The following SV2B variants were observed in gnomAD, a reference collection of about 807,000 sequenced individuals.
SV2B encodes the protein synaptic vesicle glycoprotein 2B.
SV2B carries 41 observed loss-of-function variants against 73.9 expected under a neutral mutation model. The observed-to-expected ratio is 0.56, with a 90% CI of 0.43 to 0.72. SV2B has a LOEUF of 0.72. Ranked by LOEUF, SV2B falls within the 30% of genes least tolerant of loss-of-function variation. SV2B has a pLI of 0.00. For synonymous variants in SV2B, 314 were observed against 314.2 expected (o/e 1.00, Z 0.01); for missense variants, 764 against 857.8 (o/e 0.89, Z 1.37).
chr15:91,236,622 A>G lies in SV2B; in HGVS notation c.451+9908A>G, dbSNP rs989744433. 6.6e-6 allele frequency among the ~76,000 whole-genome samples: 1 copy of G among 152,200 alleles called. No homozygotes were observed. Among genetic ancestry groups the G allele is most frequent in the Non-Finnish European group, 1.5e-5 (1 of 68,034 alleles). On this transcript the variant is annotated intron_variant, in intron 2 of 12. Coordinates refer to ENST00000394232, the MANE Select transcript of SV2B (RefSeq NM_001323032.3). The surrounding 1 kb of genome is among the most constrained non-coding windows in gnomAD (Gnocchi z 4.1). ...AGAGATGGATCTTTTATAGAATCAT[A>G]AAGGACTTTATTCTGGTTATCTATT...
In SV2B at chr15:91,253,692, C is replaced by G. The variant is rs1369780734; in HGVS notation, c.784+1172C>G. ...TTCAACCTACAGCTTACAAGGTCTC[C>G]GGTTTGGGGAAAGAGAATGGGCAGT... On this transcript the variant is annotated intron_variant, in intron 4 of 12. Coordinates refer to ENST00000394232, the MANE Select transcript of SV2B (RefSeq NM_001323032.3). This position sits in a 1 kb window ranked among gnomAD's most constrained non-coding sequence, Gnocchi z 5.0. 2.6e-5 allele frequency among the ~76,000 whole-genome samples: 4 copies of G among 152,196 alleles called. No individual in the cohort carries two copies. Among genetic ancestry groups the G allele is most frequent in the Admixed American group, 6.5e-5 (1 of 15,284 alleles).
At chr15:91,113,941 T>G (rs1000957792) in intron 1 of SV2B, among the ~76,000 whole-genome samples, 2 of 152,132 alleles carry the variant, frequency 1.3e-5, no homozygotes, top group African/African-American at 4.8e-5. Flanking sequence ...GGACTATAGA[T>G]TCCCTGAGAG....
intron 1 of SV2B, among the ~76,000 whole-genome samples, chr15:91,183,072 T>C (rs1429775329): frequency 6.6e-6 from 1 of 152,212 alleles, no homozygotes; most frequent in Non-Finnish European, 1.5e-5. Flanking sequence ...ATTAAAAATA[T>C]GTAGTCCTAT....
chr15:91,275,943 C>T (rs2048471098), intron 9 of SV2B, among the ~76,000 whole-genome samples: 1 of 152,138 alleles, frequency 6.6e-6, no homozygotes, highest in Non-Finnish European at 1.5e-5. Flanking sequence ...CTTCCCGTTA[C>T]TATTTCTTGT....
intron 1 of SV2B, among the ~76,000 whole-genome samples, chr15:91,164,014 A>G (rs950002942): frequency 6.6e-6 from 1 of 152,170 alleles, no homozygotes; most frequent in African/African-American, 2.4e-5. Context: ...CATTTATTAA[A>G]TAGGGAATCC....
Position 91,251,803 on chromosome 15 carries a change from C to T in SV2B, c.452-16C>T. The T allele has an allele frequency of 6.2e-7, 1 of 1,612,958 alleles. No homozygotes were observed. Among genetic ancestry groups the T allele is most frequent in the Non-Finnish European group, 8.5e-7 (1 of 1,179,200 alleles). On this transcript the variant is annotated splice_polypyrimidine_tract_variant and intron_variant, in intron 2 of 12. Coordinates refer to ENST00000394232, the MANE Select transcript of SV2B (RefSeq NM_001323032.3). ...TCTTTTCTCTCTATTCTCTCCTCTC[C>T]TCCCCCTCATTGCAGGGATGATAGT...
Position 91,240,256 on chromosome 15 carries a change from C to A in SV2B, c.452-11563C>A, listed in dbSNP as rs2046956249. ...AACTTAACCTCCCTAACCTTGGTTTCTTAATGTGTGATATTAAAATACTAT... is the reference window on the plus strand; with the variant it reads ...AACTTAACCTCCCTAACCTTGGTTTATTAATGTGTGATATTAAAATACTAT... On this transcript the variant is annotated intron_variant, in intron 2 of 12. Transcript: ENST00000394232. This position sits in a 1 kb window ranked among gnomAD's most constrained non-coding sequence, Gnocchi z 4.6. Among the ~76,000 whole-genome samples, 1 of 152,158 alleles carries A rather than the reference C, an allele frequency of 6.6e-6. No homozygotes were observed. The highest frequency in any genetic ancestry group is 2.4e-5 in the African/African-American group (1 of 41,422).
At position 91,226,428 on chromosome 15, in the gene SV2B, C is replaced by T. The variant is rs764493231; in HGVS notation, c.165C>T (p.His55=). Residue 55 remains histidine, a synonymous_variant, in exon 2 of 13, where the codon CAC becomes CAT. Coordinates refer to ENST00000394232, the MANE Select transcript of SV2B (RefSeq NM_001323032.3). ...AGGGCGAGTACCAGGGTATCCCTCA[C>T]CCAGATGATGTCAAGGCCAAGCAGG... ...IYEGEYQGIP[H]PDDVKAKQAK... 3.7e-6 allele frequency: 6 copies of T among 1,614,038 alleles called. No individual in the cohort carries two copies. In the Admixed American group the frequency reaches 5.0e-5, roughly 13 times the overall value.
At chr15:91,104,119 A>T (rs2041813525) in intron 1 of SV2B, among the ~76,000 whole-genome samples, 1 of 152,220 alleles carries the variant, frequency 6.6e-6, no homozygotes, top group African/African-American at 2.4e-5. Flanking sequence ...CTACAGACCA[A>T]ACCACCCCTA....
rs958759096 is a variant in SV2B at position 91,245,397 on chromosome 15, G to A, written c.452-6422G>A. Among the ~76,000 whole-genome samples, 10 of 152,170 alleles carry A rather than the reference G, an allele frequency of 6.6e-5. No individual in the cohort carries two copies. The highest frequency in any genetic ancestry group is 3.9e-4 in the East Asian group (2 of 5,194). On this transcript the variant is annotated intron_variant, in intron 2 of 12. Coordinates refer to ENST00000394232, the MANE Select transcript of SV2B (RefSeq NM_001323032.3). This position sits in a 1 kb window ranked among gnomAD's most constrained non-coding sequence, Gnocchi z 4.2. ...CTTTCGAGACAGAAAGATTTCTATC[G>A]TGTAAATACAGTATGTAGTTATACA...
At position 91,265,710 on chromosome 15, in the gene SV2B, G is replaced by T. The variant is rs1048362702; in HGVS notation, c.1009-872G>T. Among the ~76,000 whole-genome samples the T allele has an allele frequency of 6.6e-6, 1 of 152,190 alleles. No individual in the cohort carries two copies. The highest frequency in any genetic ancestry group is 2.4e-5 in the African/African-American group (1 of 41,444). On this transcript the variant is annotated intron_variant, in intron 6 of 12. Coordinates refer to ENST00000394232, the MANE Select transcript of SV2B (RefSeq NM_001323032.3). The surrounding 1 kb of genome is among the most constrained non-coding windows in gnomAD (Gnocchi z 4.2). The stretch of plus-strand genomic sequence containing the variant: ...GAAGCTTCTCTGTCTGACCTCAGGC[G>T]GAAGATCATTTGCAAAGGCTGCATA...
intron 1 of SV2B, among the ~76,000 whole-genome samples, chr15:91,142,999 T>G (rs2043040049): frequency 6.6e-6 from 1 of 152,250 alleles, no homozygotes; most frequent in South Asian, 2.1e-4. Flanking sequence ...AATCTGCTGC[T>G]GCTTCAGTGT....
chr15:91,101,675 G>T (rs2041728544), intron 1 of SV2B, among the ~76,000 whole-genome samples: 4 of 152,014 alleles, frequency 2.6e-5, no homozygotes, highest in African/African-American at 7.2e-5. Flanking sequence ...ATTTCAGCAG[G>T]GACTGGGTCG....
At chr15:91,254,259 CAG>C (rs2047601432) in intron 4 of SV2B, among the ~76,000 whole-genome samples, 1 of 132,964 alleles carries the variant, frequency 7.5e-6, no homozygotes. Flanking sequence ...TTTTCTGAGA[CAG>C]AGTCTTGTTC....
At position 91,194,602 on chromosome 15, in the gene SV2B, G is replaced by T. The variant is rs891001843; in HGVS notation, c.-391-31271G>T. Among the ~76,000 whole-genome samples the T allele has an allele frequency of 7.2e-5, 11 of 152,328 alleles. No homozygotes were observed. In the South Asian group the frequency reaches 1.0e-3, roughly 14 times the overall value. ...AATTTCTGATAAATTCAGATGAAGT[G>T]CCTTGGGGCTGTGGAGAATGCGTTA... On this transcript the variant is annotated intron_variant, in intron 1 of 12. Transcript: ENST00000394232.
intron 1 of SV2B, among the ~76,000 whole-genome samples, chr15:91,153,804 AGGGCAG>A (rs147212870): frequency 0.28 from 41,903 of 150,974 alleles, 6,856 homozygotes; most frequent in African/African-American, 0.45. Flanking sequence ...GAATTATGTG[AGGGCAG>A]GGGCAGGGGC....
intron 1 of SV2B, among the ~76,000 whole-genome samples, chr15:91,176,413 G>C (rs1170711591): frequency 6.6e-6 from 1 of 151,420 alleles, no homozygotes; most frequent in Non-Finnish European, 1.5e-5. Context: ...CCCCGTAATT[G>C]GATGGCTGGG....
rs533914725 is a variant in SV2B at position 91,108,919 on chromosome 15, C to G, written c.-392+8556C>G. On this transcript the variant is annotated intron_variant, in intron 1 of 12. Transcript: ENST00000394232. The stretch of plus-strand genomic sequence containing the variant: ...TGGTCCCGTTAAGTCTTCCTGTTTT[C>G]TATACACACTTCTGCTCCACCCACC... Among the ~76,000 whole-genome samples the G allele has an allele frequency of 9.0e-4, 137 of 152,332 alleles. 5 individuals are homozygous for G. The South Asian group carries it at 0.024, about 27-fold the overall frequency.
At chr15:91,112,665 C>T (rs150233273) in intron 1 of SV2B, among the ~76,000 whole-genome samples, 110 of 152,324 alleles carry the variant, frequency 7.2e-4, no homozygotes, top group African/African-American at 2.5e-3. Context: ...CCCATAACTC[C>T]TCAAAGACTC....
Sources: allele counts gnomAD v4.1 joint callset (sites outside exome capture counted in the v4.1 genomes callset), GRCh38; gene constraint gnomAD v4.1.1; non-coding constraint Gnocchi (gnomAD v3.1); transcripts MANE v1.5; gene names NCBI Gene and HGNC (gene_info 2026-07-23, HGNC 2026-07-21).